CTNNA3: variants seen among roughly 807,000 people sequenced by gnomAD.
CTNNA3 encodes catenin alpha 3.
A neutral mutation model predicts 95.7 loss-of-function variants in CTNNA3; 76 were observed. The observed-to-expected ratio is 0.79, with a 90% confidence interval of 0.66 to 0.96. CTNNA3 has a LOEUF of 0.96. Ranked by LOEUF, CTNNA3 falls within the 40% of genes least tolerant of loss-of-function variation. CTNNA3 has a pLI of 0.00. For synonymous variants in CTNNA3, 431 were observed against 374.4 expected (o/e 1.15, Z -1.74); for missense variants, 1,191 against 1,089.8 (o/e 1.09, Z -1.31).
intron 15 of CTNNA3, among the ~76,000 whole-genome samples, chr10:66,051,855 A>T (rs2079966194): frequency 6.6e-6 from 1 of 152,152 alleles, no homozygotes; most frequent in Non-Finnish European, 1.5e-5. Flanking sequence ...AATTAGATTG[A>T]TAGGTTTCAG....
intron 7 of CTNNA3, among the ~76,000 whole-genome samples, chr10:66,779,609 T>A (rs1335699932): frequency 2.6e-5 from 4 of 152,140 alleles, no homozygotes; most frequent in Non-Finnish European, 4.4e-5. Flanking sequence ...GTGATCCTCC[T>A]GCCTTGGCCT....
intron 1 of CTNNA3, among the ~76,000 whole-genome samples, chr10:67,671,302 A>G (rs1397318939): frequency 6.6e-6 from 1 of 152,186 alleles, no homozygotes; most frequent in African/African-American, 2.4e-5. Context: ...ATGACAGAGC[A>G]GAACTATAGA....
chr10:66,110,031 T>G (rs1339133121), intron 13 of CTNNA3, among the ~76,000 whole-genome samples: 1 of 152,122 alleles, frequency 6.6e-6, no homozygotes, highest in East Asian at 1.9e-4. Flanking sequence ...CAAATCTATC[T>G]CTTCACTCAT....
rs568370272 is a variant in CTNNA3 at position 66,033,687 on chromosome 10, T to C, written c.2159+35621A>G. Among the ~76,000 whole-genome samples the C allele has an allele frequency of 1.2e-3, 185 of 152,220 alleles. 1 individual carries two copies. Among genetic ancestry groups the C allele is most frequent in the African/African-American group, 4.2e-3 (176 of 41,534 alleles). On this transcript the variant is annotated intron_variant, in intron 15 of 17. Coordinates refer to ENST00000433211, the MANE Select transcript of CTNNA3 (RefSeq NM_013266.4). ...GTATGTTCCCTTATGAAGCTATGTT[T>C]ATTATATAGGCTTGGAATGGAAGAA...
Position 67,272,862 on chromosome 10 carries a change from C to T in CTNNA3, c.580-52992G>A, listed in dbSNP as rs140867514. On this transcript the variant is annotated intron_variant, in intron 5 of 17. Coordinates refer to ENST00000433211, the MANE Select transcript of CTNNA3 (RefSeq NM_013266.4). ...TTTGCATGGAGGTATTTTTACAAAC[C>T]TCTATATCCCACAACACAATACCAC... Among the ~76,000 whole-genome samples the T allele has an allele frequency of 3.4e-3, 510 of 152,154 alleles. 1 individual carries two copies. Among genetic ancestry groups the T allele is most frequent in the African/African-American group, 0.012 (488 of 41,516 alleles).
chr10:66,193,337 A>G (rs1030443433), intron 13 of CTNNA3, among the ~76,000 whole-genome samples: 1 of 152,176 alleles, frequency 6.6e-6, no homozygotes, highest in Non-Finnish European at 1.5e-5. Flanking sequence ...GACAAAAACC[A>G]TAAGACTGTG....
intron 3 of CTNNA3, among the ~76,000 whole-genome samples, chr10:67,552,541 G>T (rs1841069711): frequency 6.6e-6 from 1 of 151,792 alleles, no homozygotes; most frequent in African/African-American, 2.4e-5. Context: ...ATAGGCACAG[G>T]ACTGGGGAGT....
At chr10:67,726,083 A>G (rs1841211164) in intron 1 of CTNNA3, among the ~76,000 whole-genome samples, 1 of 119,484 alleles carries the variant, frequency 8.4e-6, no homozygotes, top group South Asian at 2.5e-4. Flanking sequence ...TTTAAATTAT[A>G]TATTATAATA....
chr10:67,182,523 A>C (rs929480400), intron 6 of CTNNA3, among the ~76,000 whole-genome samples: 17 of 152,058 alleles, frequency 1.1e-4, no homozygotes, highest in African/African-American at 3.6e-4. Context: ...CTTACACCTT[A>C]TACAAAAATT....
chr10:66,406,249 C>T (rs549571053), intron 11 of CTNNA3, among the ~76,000 whole-genome samples: 2 of 152,274 alleles, frequency 1.3e-5, no homozygotes, highest in African/African-American at 2.4e-5. Flanking sequence ...TGAAACATAA[C>T]TCAGTGGTTT....
At chr10:67,593,211 A>G (rs777147270) in intron 3 of CTNNA3, among the ~76,000 whole-genome samples, 4 of 152,032 alleles carry the variant, frequency 2.6e-5, no homozygotes, top group Non-Finnish European at 4.4e-5. Context: ...TCTTTATCCA[A>G]TCCACCATTG....
intron 5 of CTNNA3, among the ~76,000 whole-genome samples, chr10:67,230,464 C>G (rs1345944135): frequency 6.6e-6 from 1 of 151,988 alleles, no homozygotes; most frequent in African/African-American, 2.4e-5. Context: ...AACTAAAGAG[C>G]TTTTGCATGG....
chr10:67,632,126 C>CCA (rs71006156), intron 2 of CTNNA3, among the ~76,000 whole-genome samples: 24,130 of 138,790 alleles, frequency 0.17, 2,082 homozygotes, highest in Middle Eastern at 0.28. Flanking sequence ...AGTGTCTTAG[C>CCA]CACACACACA....
chr10:66,847,858 T>A (rs1843336394), intron 7 of CTNNA3, among the ~76,000 whole-genome samples: 1 of 152,142 alleles, frequency 6.6e-6, no homozygotes, highest in Admixed American at 6.5e-5. Context: ...AATTCTAAAA[T>A]GTATTAGGAA....
At chr10:67,325,924 C>A (rs1841519407) in intron 5 of CTNNA3, among the ~76,000 whole-genome samples, 1 of 151,814 alleles carries the variant, frequency 6.6e-6, no homozygotes, top group Non-Finnish European at 1.5e-5. Flanking sequence ...CTGGGTTGGG[C>A]ACATAGGTAT....
At chr10:67,099,489 A>T (rs1720803014) in intron 7 of CTNNA3, 1 of 152,136 alleles carries the variant, frequency 6.6e-6, no homozygotes, top group South Asian at 2.1e-4. Context: ...AACAATGTCA[A>T]ACTTTTAAAT....
Position 67,484,891 on chromosome 10 carries a change from C to T in CTNNA3, c.579+36951G>A, listed in dbSNP as rs1044711860. On this transcript the variant is annotated intron_variant, in intron 5 of 17. Transcript: ENST00000433211. ...GTAGGAATGTAAATTAGTTCAACCC[C>T]TGTGGAAAGGAGTTTGGAGATTTCT... is the stretch of plus-strand genomic sequence containing the variant. Among the ~76,000 whole-genome samples the T allele has an allele frequency of 2.0e-5, 3 of 152,142 alleles. No homozygotes were observed. The East Asian group carries it at 5.8e-4, about 29-fold the overall frequency.
chr10:66,833,285 T>C (rs1463370420), intron 7 of CTNNA3, among the ~76,000 whole-genome samples: 1 of 152,180 alleles, frequency 6.6e-6, no homozygotes. Flanking sequence ...GCTTAATGCA[T>C]GAATCAAGAC....
intron 13 of CTNNA3, among the ~76,000 whole-genome samples, chr10:66,200,448 G>A (rs1473175934): frequency 2.0e-5 from 3 of 152,138 alleles, no homozygotes; most frequent in African/African-American, 7.2e-5. Context: ...AAGGGTTCTG[G>A]ACATTTTGAG....
Sources: allele counts gnomAD v4.1 joint callset (sites outside exome capture counted in the v4.1 genomes callset), GRCh38; gene constraint gnomAD v4.1.1; transcripts MANE v1.5; gene names NCBI Gene and HGNC (gene_info 2026-07-23, HGNC 2026-07-21).